ATP8B4: variants seen among roughly 807,000 people sequenced by gnomAD.
ATP8B4 encodes ATPase phospholipid transporting 8B4 (putative), also known as probable phospholipid-transporting ATPase IM.
In ATP8B4, 133 loss-of-function variants were observed where a neutral mutation model predicts 145.6. That is an observed-to-expected ratio of 0.91 (90% CI 0.79 to 1.05). The LOEUF (loss-of-function observed/expected upper bound fraction) is 1.05. ATP8B4 is among the 50% of genes least tolerant of loss of function. ATP8B4 has a pLI of 0.00. For synonymous variants in ATP8B4, 507 were observed against 492.9 expected, an observed-to-expected ratio of 1.03 and a Z score of -0.38; for missense variants, 1,458 against 1,425.2, an observed-to-expected ratio of 1.02 and a Z score of -0.37.
Position 49,866,456 on chromosome 15 carries a change from A to G in ATP8B4, c.3056T>C (p.Phe1019Ser). ...QIALDTSYWT[F>S]INHVFIWGSI... ...CCCCCAGATGAAGACGTGATTAATG[A>G]AAGTCCAGTAACTGGTATCCAAGGC... is the stretch of plus-strand genomic sequence containing the variant. The change falls in exon 26 of 28, where the codon TTC becomes TCC. Residue 1019 changes from phenylalanine to serine, a missense_variant. By Grantham distance (155) the Phe-to-Ser change is radical. Coordinates refer to ENST00000284509, the MANE Select transcript of ATP8B4 (RefSeq NM_024837.4). The G allele has an allele frequency of 2.5e-6, 4 of 1,613,862 alleles. No homozygotes were observed. The highest frequency in any genetic ancestry group is 1.1e-5 in the South Asian group (1 of 91,078).
chr15:50,147,241 C>A (rs898895253), intron 1 of ATP8B4, among the ~76,000 whole-genome samples: 12 of 151,948 alleles, frequency 7.9e-5, no homozygotes, highest in Middle Eastern at 3.2e-3. Flanking sequence ...CATGGTAAAA[C>A]CCTGCCTCTA....
chr15:49,961,086 T>C (rs1266220256), intron 14 of ATP8B4, among the ~76,000 whole-genome samples: 2 of 152,148 alleles, frequency 1.3e-5, no homozygotes, highest in East Asian at 3.9e-4. Flanking sequence ...TGAGCCGAGA[T>C]TGCGCCACTG....
chr15:50,107,693 G>C (rs994515907), intron 1 of ATP8B4, among the ~76,000 whole-genome samples: 1 of 152,156 alleles, frequency 6.6e-6, no homozygotes. Flanking sequence ...GACAGTGCAG[G>C]CAGAGGTACT....
intron 1 of ATP8B4, among the ~76,000 whole-genome samples, chr15:50,152,484 TC>T (rs1434034080): frequency 6.6e-6 from 1 of 152,210 alleles, no homozygotes; most frequent in Non-Finnish European, 1.5e-5. Flanking sequence ...GACAATATTT[TC>T]CATTTAATTT....
chr15:49,947,191 G>A (rs1270754850), intron 14 of ATP8B4, among the ~76,000 whole-genome samples: 3 of 152,156 alleles, frequency 2.0e-5, no homozygotes, highest in African/African-American at 4.8e-5. Context: ...CCAGCATTTT[G>A]AGAAGCCAAG....
intron 14 of ATP8B4, among the ~76,000 whole-genome samples, chr15:49,961,441 C>T (rs2044068059): frequency 6.6e-6 from 1 of 152,114 alleles, no homozygotes; most frequent in African/African-American, 2.4e-5. Context: ...AATTCTATTT[C>T]TAGAAACAGA....
chr15:49,888,651 G>A (rs966598819), intron 23 of ATP8B4, among the ~76,000 whole-genome samples: 11 of 152,104 alleles, frequency 7.2e-5, no homozygotes, highest in Non-Finnish European at 1.2e-4. Flanking sequence ...ATAAGTTACA[G>A]GTATAAATTG....
rs144767812 is a variant in ATP8B4 at position 50,052,451 on chromosome 15, G to A, written c.88-4987C>T. On this transcript the variant is annotated intron_variant, in intron 3 of 27. Coordinates refer to ENST00000284509, the MANE Select transcript of ATP8B4 (RefSeq NM_024837.4). ...CACAGGTGATGCCAGACCAGGGCAG[G>A]GTCCCACATAGTGGGAAAGTGCCTC... 4.2e-4 allele frequency among the ~76,000 whole-genome samples: 64 copies of A among 152,346 alleles called. No individual in the cohort carries two copies. In the East Asian group the frequency reaches 0.011, roughly 27 times the overall value.
chr15:49,889,162 A>G (rs2036527226), intron 23 of ATP8B4, among the ~76,000 whole-genome samples: 1 of 152,042 alleles, frequency 6.6e-6, no homozygotes, highest in African/African-American at 2.4e-5. Context: ...TGACAACCCA[A>G]GAGGTCACTT....
At chr15:49,989,882 C>G (rs1008696375) in intron 9 of ATP8B4, among the ~76,000 whole-genome samples, 3 of 152,136 alleles carry the variant, frequency 2.0e-5, no homozygotes, top group African/African-American at 7.2e-5. Flanking sequence ...TTGAAGGGAG[C>G]ACTGTATTCA....
At chr15:49,945,302 C>T (rs544796202) in intron 14 of ATP8B4, among the ~76,000 whole-genome samples, 5 of 152,122 alleles carry the variant, frequency 3.3e-5, no homozygotes, top group Non-Finnish European at 4.4e-5. Context: ...CCTACCAAAA[C>T]TAAATCATGA....
intron 23 of ATP8B4, among the ~76,000 whole-genome samples, chr15:49,882,273 T>C (rs1021497734): frequency 1.3e-5 from 2 of 152,178 alleles, no homozygotes; most frequent in South Asian, 2.1e-4. Flanking sequence ...AGAGCAGCAG[T>C]TGTGACAGGG....
At chr15:50,133,525 G>A (rs1042528438) in intron 1 of ATP8B4, among the ~76,000 whole-genome samples, 8 of 152,022 alleles carry the variant, frequency 5.3e-5, no homozygotes, top group Non-Finnish European at 1.2e-4. Flanking sequence ...CTGGGGAGGT[G>A]GAGGCTGCAG....
At chr15:50,120,183 C>T (rs1204080623), upstream of ATP8B4, among the ~76,000 whole-genome samples, 1 of 152,048 alleles carries the variant, frequency 6.6e-6, no homozygotes, top group African/African-American at 2.4e-5. Context: ...CCCCTGCGCA[C>T]CATCAACTCC....
chr15:50,037,851 T>C (rs1483815320), intron 6 of ATP8B4, among the ~76,000 whole-genome samples: 1 of 152,172 alleles, frequency 6.6e-6, no homozygotes, highest in Non-Finnish European at 1.5e-5. Flanking sequence ...GTATTCATTA[T>C]GTTATTAGAA....
Position 50,053,451 on chromosome 15 carries a change from T to A in ATP8B4, c.88-5987A>T, listed in dbSNP as rs1034285757. On this transcript the variant is annotated intron_variant, in intron 3 of 27. Transcript: ENST00000284509. ...TCTCTTCCAGTCTGCATTTCAAGCCTGCTGCCACTTTCTTACCAAAGGAAA... is the reference window on the plus strand; with the variant it reads ...TCTCTTCCAGTCTGCATTTCAAGCCAGCTGCCACTTTCTTACCAAAGGAAA... 5.3e-5 allele frequency among the ~76,000 whole-genome samples: 8 copies of A among 152,370 alleles called. No individual in the cohort carries two copies. The South Asian group carries it at 6.2e-4, about 12-fold the overall frequency.
At chr15:50,144,046 C>A (rs771212673) in intron 1 of ATP8B4, among the ~76,000 whole-genome samples, 7 of 152,092 alleles carry the variant, frequency 4.6e-5, no homozygotes, top group Non-Finnish European at 1.0e-4. Context: ...TTTCATGGTG[C>A]CCTGGAAGCT....
At chr15:49,937,151 G>A (rs1337185044) in intron 14 of ATP8B4, among the ~76,000 whole-genome samples, 2 of 152,090 alleles carry the variant, frequency 1.3e-5, no homozygotes, top group African/African-American at 4.8e-5. Flanking sequence ...TCACAGAAAT[G>A]TTCCTAATGT....
At chr15:50,076,472 C>A (rs2054180041) in intron 2 of ATP8B4, among the ~76,000 whole-genome samples, 1 of 150,394 alleles carries the variant, frequency 6.6e-6, no homozygotes, top group African/African-American at 2.5e-5. Context: ...AGCCTGGCGA[C>A]AGAGCAAGAC....
Sources: gnomAD v4.1 joint callset for allele counts (sites outside exome capture counted in the v4.1 genomes callset) on GRCh38, gnomAD v4.1.1 for gene constraint, MANE v1.5 for transcripts, NCBI Gene and HGNC (gene_info 2026-07-23, HGNC 2026-07-21) for gene names.